The following KCND3 variants were observed in gnomAD, a reference collection of about 807,000 sequenced individuals.
The protein encoded by KCND3 is A-type voltage-gated potassium channel KCND3.
Under a neutral mutation model 51.1 loss-of-function variants are expected in KCND3, and 9 were observed. The observed-to-expected ratio is 0.18, with a 90% CI of 0.11 to 0.31. KCND3 has a LOEUF of 0.31. Ranked by LOEUF, KCND3 falls within the 10% of genes least tolerant of loss-of-function variation. The pLI is 1.00. For missense variants in KCND3, 526 were observed against 903.8 expected (o/e 0.58, Z 5.36); for synonymous variants, 349 against 368.0 (o/e 0.95, Z 0.59).
intron 2 of KCND3, among the ~76,000 whole-genome samples, chr1:111,805,297 C>T (rs773454645): frequency 8.5e-5 from 13 of 152,328 alleles, no homozygotes; most frequent in Non-Finnish European, 1.5e-4. Flanking sequence ...GACAGGGCAA[C>T]GTGGGGACAC....
intron 2 of KCND3, among the ~76,000 whole-genome samples, chr1:111,938,760 A>G (rs1672341486): frequency 6.6e-6 from 1 of 152,198 alleles, no homozygotes; most frequent in Non-Finnish European, 1.5e-5. Flanking sequence ...GCACAGAGCA[A>G]GAGAGAGAGT....
intron 2 of KCND3, among the ~76,000 whole-genome samples, chr1:111,916,568 G>A (rs1284455151): frequency 2.0e-5 from 3 of 152,044 alleles, no homozygotes; most frequent in Non-Finnish European, 2.9e-5. Flanking sequence ...AGAATAATGA[G>A]CAGAAGTCAA....
intron 5 of KCND3, among the ~76,000 whole-genome samples, chr1:111,779,665 A>C (rs984072876): frequency 7.9e-6 from 1 of 126,816 alleles, no homozygotes; most frequent in Non-Finnish European, 1.6e-5. Flanking sequence ...GCCTGTTAGC[A>C]TCTGGACTCC....
Position 111,828,389 on chromosome 1 carries a change from G to C in KCND3, c.1107-41283C>G, listed in dbSNP as rs76426768. The stretch of plus-strand genomic sequence containing the variant: ...TGGGTTTGTAGCTGTTACTTCTCTT[G>C]ATTGAATAGATAAAAAAGAGTATGT... On this transcript the variant is annotated intron_variant, in intron 2 of 7. Transcript: ENST00000302127. Among the ~76,000 whole-genome samples the C allele has an allele frequency of 1.6e-3, 242 of 152,166 alleles. 1 individual carries two copies. Among genetic ancestry groups the C allele is most frequent in the African/African-American group, 5.5e-3 (229 of 41,460 alleles).
intron 2 of KCND3, among the ~76,000 whole-genome samples, chr1:111,897,662 G>T (rs908065232): frequency 3.3e-5 from 5 of 152,216 alleles, no homozygotes; most frequent in African/African-American, 1.2e-4. Flanking sequence ...GGGCTCACTT[G>T]TAAGTCTGGG....
At chr1:111,821,340 A>T (rs554253810) in intron 2 of KCND3, among the ~76,000 whole-genome samples, 1 of 152,318 alleles carries the variant, frequency 6.6e-6, no homozygotes, top group African/African-American at 2.4e-5. Context: ...CCTGGGTCTC[A>T]ACAGCTAGAC....
chr1:111,795,344 G>C (rs1665010837), intron 2 of KCND3, among the ~76,000 whole-genome samples: 1 of 152,228 alleles, frequency 6.6e-6, no homozygotes, highest in Non-Finnish European at 1.5e-5. Flanking sequence ...CCTAGGGGTG[G>C]ACCCAGACGG....
At chr1:111,830,290 A>G (rs1666776066) in intron 2 of KCND3, among the ~76,000 whole-genome samples, 1 of 152,198 alleles carries the variant, frequency 6.6e-6, no homozygotes, top group South Asian at 2.1e-4. Flanking sequence ...CCTTCCAGAT[A>G]AAGGCCTGTT....
intron 2 of KCND3, among the ~76,000 whole-genome samples, chr1:111,848,139 G>A (rs1044785835): frequency 7.2e-5 from 11 of 152,204 alleles, no homozygotes; most frequent in Non-Finnish European, 1.0e-4. Flanking sequence ...CGAGCAGCTC[G>A]CTCATGGCCC....
intron 2 of KCND3, among the ~76,000 whole-genome samples, chr1:111,832,750 G>A (rs887761048): frequency 6.6e-6 from 1 of 152,180 alleles, no homozygotes; most frequent in African/African-American, 2.4e-5. Context: ...CGAGGCTGAA[G>A]GGAGGTGTAG....
intron 2 of KCND3, among the ~76,000 whole-genome samples, chr1:111,796,940 T>G (rs2101532914): frequency 6.6e-6 from 1 of 152,282 alleles, no homozygotes; most frequent in African/African-American, 2.4e-5. Flanking sequence ...AGCGGCAGGC[T>G]CCTGGCCAAG....
At chr1:111,978,708 A>G (rs112856182) in intron 2 of KCND3, among the ~76,000 whole-genome samples, 139 of 152,286 alleles carry the variant, frequency 9.1e-4, no homozygotes, top group African/African-American at 3.2e-3. Flanking sequence ...CAGAATACAC[A>G]TATCTGAGGG....
intron 2 of KCND3, among the ~76,000 whole-genome samples, chr1:111,883,507 T>C (rs889243928): frequency 2.6e-5 from 4 of 152,234 alleles, no homozygotes; most frequent in African/African-American, 9.6e-5. Context: ...AATTCAACCA[T>C]GGACTCGATA....
intron 2 of KCND3, among the ~76,000 whole-genome samples, chr1:111,972,203 C>G (rs1232809822): frequency 7.4e-6 from 1 of 134,504 alleles, no homozygotes; most frequent in Non-Finnish European, 1.5e-5. Context: ...GACGGAGTCT[C>G]GCTCTGTTGC....
chr1:111,780,341 TA>T lies in KCND3; in HGVS notation c.1372-28del. 1 of 1,546,868 alleles carries T rather than the reference TA, an allele frequency of 6.5e-7. No individual in the cohort carries two copies. The highest frequency in any genetic ancestry group is 8.8e-7 in the Non-Finnish European group (1 of 1,141,920). On this transcript the variant is annotated intron_variant, in intron 4 of 7. Coordinates refer to ENST00000302127, the MANE Select transcript of KCND3 (RefSeq NM_001378969.1). The surrounding 1 kb of genome is among the most constrained non-coding windows in gnomAD (Gnocchi z 4.2). ...TAGTAAAAAAAGAAGAGAGATTGAG[TA>T]AAAAGCTGGTGGCTCTTCCCCTCTC...
chr1:111,921,293 C>A (rs1324000428), intron 2 of KCND3, among the ~76,000 whole-genome samples: 1 of 152,192 alleles, frequency 6.6e-6, no homozygotes, highest in Non-Finnish European at 1.5e-5. Flanking sequence ...TACAGCCGTA[C>A]AGCATAAGGG....
At chr1:111,838,270 G>T (rs12738398) in intron 2 of KCND3, among the ~76,000 whole-genome samples, 2,197 of 152,252 alleles carry the variant, frequency 0.014, 36 homozygotes, top group African/African-American at 0.036. Context: ...CACTCCAGGT[G>T]GTGGAGGTCA....
At chr1:111,975,407 C>G (rs1674572916) in intron 2 of KCND3, among the ~76,000 whole-genome samples, 1 of 152,110 alleles carries the variant, frequency 6.6e-6, no homozygotes, top group Non-Finnish European at 1.5e-5. Context: ...GCTGGTGAAG[C>G]TTGGTGGGAG....
chr1:111,911,111 C>T (rs956291146), intron 2 of KCND3, among the ~76,000 whole-genome samples: 1 of 152,142 alleles, frequency 6.6e-6, no homozygotes, highest in South Asian at 2.1e-4. Flanking sequence ...TTATGTGGCC[C>T]TGACTCTGAC....
Sources: gnomAD v4.1 joint callset for allele counts (sites outside exome capture counted in the v4.1 genomes callset) on GRCh38, gnomAD v4.1.1 for gene constraint, Gnocchi (gnomAD v3.1) non-coding constraint, MANE v1.5 for transcripts, NCBI Gene and HGNC (gene_info 2026-07-23, HGNC 2026-07-21) for gene names.